Variants in PTPRR observed in about 807,000 individuals in gnomAD.
PTPRR encodes the protein receptor-type tyrosine-protein phosphatase R.
Under a neutral mutation model 77.2 loss-of-function variants are expected in PTPRR, and 38 were observed. The ratio of observed to expected loss-of-function variants is 0.49; its 90% CI spans 0.38 to 0.65. The LOEUF is 0.65. Ranked by LOEUF, PTPRR falls within the 30% of genes least tolerant of loss-of-function variation. The probability of loss-of-function intolerance (pLI) is 0.00; values close to 1 mark genes in which losing one functional copy is unlikely to be tolerated. For missense variants in PTPRR, 744 were observed against 799.2 expected (o/e 0.93, Z 0.83); for synonymous variants, 299 against 283.1 (o/e 1.06, Z -0.57).
At chr12:70,806,572 A>G (rs1334549886) in intron 2 of PTPRR, among the ~76,000 whole-genome samples, 2 of 152,174 alleles carry the variant, frequency 1.3e-5, no homozygotes, top group African/African-American at 4.8e-5. Flanking sequence ...GAACCTCAAA[A>G]TCTGTTTGTA....
chr12:70,824,131 G>C (rs191770157), intron 2 of PTPRR, among the ~76,000 whole-genome samples: 2 of 152,174 alleles, frequency 1.3e-5, no homozygotes, highest in Non-Finnish European at 2.9e-5. Context: ...CAGGTTAGGC[G>C]CTCTTCTTCT....
chr12:70,672,607 C>A, intron 10 of PTPRR: 1 of 1,476,222 alleles, frequency 6.8e-7, no homozygotes, highest in Non-Finnish European at 9.3e-7. Context: ...AGCAGATGCA[C>A]ACATCTTAAA....
rs1367387490 is a variant in PTPRR, at chr12:70,779,872, A to G, written c.358-15094T>C. ...CTGTAATACCTAATCATTAAAAAAC[A>G]CACAGAATTGATTTAGCATAATTTG... is the stretch of plus-strand genomic sequence containing the variant. On this transcript the variant is annotated intron_variant, in intron 2 of 13. Coordinates refer to ENST00000283228, the MANE Select transcript of PTPRR (RefSeq NM_002849.4). 2.6e-5 allele frequency among the ~76,000 whole-genome samples: 4 copies of G among 152,352 alleles called. No individual in the cohort carries two copies. The East Asian group carries it at 7.7e-4, about 29-fold the overall frequency.
intron 13 of PTPRR, among the ~76,000 whole-genome samples, chr12:70,648,146 G>A (rs1886266418): frequency 6.6e-6 from 1 of 152,064 alleles, no homozygotes; most frequent in African/African-American, 2.4e-5. Flanking sequence ...CTTCAAAATT[G>A]GTCATGTGGC....
At chr12:70,794,572 T>C (rs1215083735) in intron 2 of PTPRR, among the ~76,000 whole-genome samples, 2 of 152,134 alleles carry the variant, frequency 1.3e-5, no homozygotes, top group Admixed American at 6.5e-5. Context: ...TGGGCAAATA[T>C]ATAACTAACG....
At chr12:70,734,323 C>G (rs1463699314) in intron 6 of PTPRR, among the ~76,000 whole-genome samples, 3 of 152,140 alleles carry the variant, frequency 2.0e-5, no homozygotes, top group African/African-American at 7.2e-5. Flanking sequence ...GTACCACGAC[C>G]ACCTCTTCTT....
chr12:70,902,697 G>T (rs1183217186), intron 1 of PTPRR, among the ~76,000 whole-genome samples: 1 of 151,672 alleles, frequency 6.6e-6, no homozygotes, highest in Non-Finnish European at 1.5e-5. Context: ...AGGATGCAAA[G>T]CCATAAGAAT....
In PTPRR at chr12:70,920,370, G is replaced by C. The variant is rs137984174; in HGVS notation, c.21C>G (p.Phe7Leu). Residue 7 changes from phenylalanine (F) to leucine (L), a missense_variant, in exon 1 of 14, where the codon TTC becomes TTG. This residue lies in a region of PTPRR where 570 missense variants were observed against 573.2 expected (regional missense o/e 0.99). Coordinates refer to ENST00000283228, the MANE Select transcript of PTPRR (RefSeq NM_002849.4). MRRAVC[F>L]PALCLLLNLH... The stretch of plus-strand genomic sequence containing the variant: ...GATTAAGGAGCAGGCACAGCGCAGG[G>C]AAGCAGACTGCTCTCCGCATAGTGT... The C allele has an allele frequency of 4.0e-5, 64 of 1,613,584 alleles. No individual in the cohort carries two copies. The highest frequency in any genetic ancestry group is 4.5e-5 in the East Asian group (2 of 44,840).
intron 2 of PTPRR, among the ~76,000 whole-genome samples, chr12:70,788,385 C>A (rs112737117): frequency 0.023 from 3,442 of 152,252 alleles, 84 homozygotes; most frequent in African/African-American, 0.059. Flanking sequence ...GTGAATTAAC[C>A]CACTGTAACC....
At chr12:70,743,272 G>C (rs1890110554) in intron 6 of PTPRR, among the ~76,000 whole-genome samples, 1 of 152,186 alleles carries the variant, frequency 6.6e-6, no homozygotes, top group South Asian at 2.1e-4. Context: ...GATGGGAAAT[G>C]AAACATGTGC....
intron 2 of PTPRR, among the ~76,000 whole-genome samples, chr12:70,832,968 G>A (rs1192572296): frequency 6.6e-6 from 1 of 152,108 alleles, no homozygotes; most frequent in Non-Finnish European, 1.5e-5. Flanking sequence ...CCCTACAAAT[G>A]TGCCAGGGCA....
intron 2 of PTPRR, among the ~76,000 whole-genome samples, chr12:70,808,946 C>T (rs1281527483): frequency 6.6e-6 from 1 of 152,170 alleles, no homozygotes; most frequent in East Asian, 1.9e-4. Flanking sequence ...TGTCCTACAA[C>T]TGATTTCTTT....
chr12:70,719,741 AGTGACT>A (rs1889175406), intron 6 of PTPRR, among the ~76,000 whole-genome samples: 1 of 152,172 alleles, frequency 6.6e-6, no homozygotes, highest in African/African-American at 2.4e-5. Context: ...CTGAACCCAC[AGTGACT>A]GCGCGTCTTC....
chr12:70,818,835 A>G (rs1307334177), intron 2 of PTPRR, among the ~76,000 whole-genome samples: 1 of 152,234 alleles, frequency 6.6e-6, no homozygotes, highest in Non-Finnish European at 1.5e-5. Flanking sequence ...ATTCCAAAAA[A>G]AAATCATGGT....
intron 2 of PTPRR, among the ~76,000 whole-genome samples, chr12:70,862,980 G>A (rs765247237): frequency 1.3e-5 from 2 of 152,092 alleles, no homozygotes; most frequent in South Asian, 2.1e-4. Context: ...AAGCATAAAA[G>A]GAAGAAGGAA....
chr12:70,835,994 T>C (rs1352646461), intron 2 of PTPRR, among the ~76,000 whole-genome samples: 2 of 152,068 alleles, frequency 1.3e-5, no homozygotes, highest in Non-Finnish European at 2.9e-5. Context: ...TGTCCCCTTT[T>C]TCCCCTTTCC....
chr12:70,899,391 T>C (rs1301317526), intron 1 of PTPRR, among the ~76,000 whole-genome samples: 1 of 151,474 alleles, frequency 6.6e-6, no homozygotes, highest in Non-Finnish European at 1.5e-5. Context: ...GGGCTGATTT[T>C]CCTGGGAATG....
intron 1 of PTPRR, among the ~76,000 whole-genome samples, chr12:70,896,411 C>A (rs1450688814): frequency 6.6e-6 from 1 of 151,384 alleles, no homozygotes; most frequent in Non-Finnish European, 1.5e-5. Context: ...ACACACAACC[C>A]AAAACACCAG....
intron 13 of PTPRR, among the ~76,000 whole-genome samples, chr12:70,640,171 C>A (rs943435880): frequency 6.6e-6 from 1 of 152,066 alleles, no homozygotes; most frequent in Non-Finnish European, 1.5e-5. Context: ...TAATTATGAT[C>A]CTTTTTTAAT....
Sources: allele counts gnomAD v4.1 joint callset (sites outside exome capture counted in the v4.1 genomes callset), GRCh38; gene constraint gnomAD v4.1.1; regional missense constraint gnomAD v4.1.1; transcripts MANE v1.5; gene names NCBI Gene and HGNC (gene_info 2026-07-23, HGNC 2026-07-21).